Variants in LIMCH1 observed in about 807,000 individuals in gnomAD.
LIMCH1 encodes the protein LIM and calponin homology domains 1, also known as LIM and calponin homology domains-containing protein 1.
Under a neutral mutation model 176.5 loss-of-function variants are expected in LIMCH1, and 113 were observed. The observed-to-expected ratio is 0.64, with a 90% confidence interval of 0.55 to 0.75. The LOEUF (loss-of-function observed/expected upper bound fraction) is 0.75, where lower values mean the gene tolerates loss of function less well. LIMCH1 is among the 30% of genes least tolerant of loss of function. The probability of loss-of-function intolerance (pLI) is 0.00; values close to 1 mark genes in which losing one functional copy is unlikely to be tolerated. For synonymous variants in LIMCH1, 619 were observed against 645.9 expected, an observed-to-expected ratio of 0.96 and a Z score of 0.63; for missense variants, 1,674 against 1,814.9, an observed-to-expected ratio of 0.92 and a Z score of 1.41.
intron 18 of LIMCH1, 139 bp downstream of exon 18, chr4:41,650,747 C>T (rs941644944): frequency 8.3e-6 from 6 of 722,498 alleles, no homozygotes; most frequent in South Asian, 1.9e-5. Context: ...CTGTAAGTAC[C>T]ACAAACTCAG....
rs747125192 is a variant in LIMCH1 at position 41,698,046 on chromosome 4, G to T, written c.*861G>T. On this transcript the variant is annotated 3_prime_UTR_variant, in exon 32 of 32. Transcript: ENST00000503057. Reference sequence around the variant, plus strand: ...CAGGCCTCTGTTGCCTGCTTCTCTCGAGGCACTAGATTAGGAGTCTTCAAT... The same window carrying T: ...CAGGCCTCTGTTGCCTGCTTCTCTCTAGGCACTAGATTAGGAGTCTTCAAT... 2 of 152,006 alleles carry T rather than the reference G, an allele frequency of 1.3e-5. No individual in the cohort carries two copies. The highest frequency in any genetic ancestry group is 2.4e-5 in the African/African-American group (1 of 41,380). The allele number at this position is 152,006 out of a possible 1,614,324, so 9.4% of individuals were successfully genotyped here.
Position 41,399,685 on chromosome 4 carries a change from C to CTTTTTTTTTTTTTTTTT in LIMCH1, c.96+38764_96+38765insTTTTTTTTTTTTTTTTT, listed in dbSNP as rs56174007. On this transcript the variant is annotated intron_variant, in intron 1 of 26. Coordinates refer to the LIMCH1 transcript ENST00000313860. ...GTAACAATCCTATGAGGTGGATACT[C>CTTTTTTTTTTTTTTTTT]TTTTTTTTTTTTTTTGAGATGGAGT... 1.6e-4 allele frequency among the ~76,000 whole-genome samples: 15 copies of CTTTTTTTTTTTTTTTTT among 95,784 alleles called. 2 individuals are homozygous for CTTTTTTTTTTTTTTTTT. Among genetic ancestry groups the CTTTTTTTTTTTTTTTTT allele is most frequent in the East Asian group, 9.5e-4 (3 of 3,148 alleles). The allele number at this position is 95,784 out of a possible 152,430, so 62.8% of individuals were successfully genotyped here.
At chr4:41,445,020 CTTT>C (rs11414585) in intron 1 of LIMCH1, among the ~76,000 whole-genome samples, 59 of 128,488 alleles carry the variant, frequency 4.6e-4, no homozygotes, top group African/African-American at 1.4e-3. Context: ...TTTTCCCATT[CTTT>C]TTTTTTTTTT....
chr4:41,672,430 A>G (rs773670368), intron 22 of LIMCH1, among the ~76,000 whole-genome samples: 2 of 152,216 alleles, frequency 1.3e-5, no homozygotes, highest in Non-Finnish European at 2.9e-5. Flanking sequence ...GACAATTTCT[A>G]TAGATACATT....
chr4:41,473,339 C>G, intron 1 of LIMCH1: 1 of 222,458 alleles, frequency 4.5e-6, no homozygotes, highest in Non-Finnish European at 7.6e-6. Flanking sequence ...GAGACCCAGG[C>G]AGCAGGCAGC....
intron 1 of LIMCH1, among the ~76,000 whole-genome samples, chr4:41,362,419 A>T (rs2052261934): frequency 6.6e-6 from 1 of 152,170 alleles, no homozygotes; most frequent in East Asian, 1.9e-4. Flanking sequence ...TGCTCCCAGG[A>T]TACACAGGAA....
At chr4:41,617,599 A>G (rs2092229983) in intron 5 of LIMCH1, among the ~76,000 whole-genome samples, 1 of 152,258 alleles carries the variant, frequency 6.6e-6, no homozygotes, top group Admixed American at 6.5e-5. Context: ...TAAGTAATGA[A>G]ATGGTCAAAA....
In LIMCH1 at chr4:41,503,824, A is replaced by C. The variant is rs372139542; in HGVS notation, c.167+9218A>C. 1.7e-4 allele frequency among the ~76,000 whole-genome samples: 26 copies of C among 152,232 alleles called. No homozygotes were observed. In the East Asian group the frequency reaches 2.1e-3, roughly 12 times the overall value. ...TCGGTTCCCTCAGCCCTCAAGTGATAACTGCCCTTGCTCTGAGCTTCCTCC... is the reference window on the plus strand; with the variant it reads ...TCGGTTCCCTCAGCCCTCAAGTGATCACTGCCCTTGCTCTGAGCTTCCTCC... On this transcript the variant is annotated intron_variant, in intron 2 of 26. Transcript: ENST00000313860.
intron 1 of LIMCH1, among the ~76,000 whole-genome samples, chr4:41,481,761 C>G (rs191215697): frequency 5.9e-5 from 9 of 151,676 alleles, no homozygotes; most frequent in Non-Finnish European, 1.2e-4. Flanking sequence ...TAGTGCTGTT[C>G]ATTGATATGG....
intron 1 of LIMCH1, among the ~76,000 whole-genome samples, chr4:41,582,205 T>A (rs368268921): frequency 6.6e-6 from 1 of 152,180 alleles, no homozygotes; most frequent in African/African-American, 2.4e-5. Context: ...CATGGAATAA[T>A]GGAAAACGAA....
intron 13 of LIMCH1, among the ~76,000 whole-genome samples, chr4:41,634,891 C>G (rs376184238): frequency 5.3e-5 from 8 of 152,260 alleles, no homozygotes; most frequent in African/African-American, 1.7e-4. Context: ...AGTGGGTCCT[C>G]CACAGTTACT....
chr4:41,384,230 A>G (rs1471188207), intron 1 of LIMCH1, among the ~76,000 whole-genome samples: 2 of 149,602 alleles, frequency 1.3e-5, no homozygotes, highest in African/African-American at 2.5e-5. Context: ...TTTGAGACGG[A>G]GTCTTGCTCT....
chr4:41,644,570 G>C lies in LIMCH1; in HGVS notation c.2197G>C (p.Glu733Gln), dbSNP rs907389480. 1 of 1,610,226 alleles carries C rather than the reference G, an allele frequency of 6.2e-7. No homozygotes were observed. Residue 733 changes from glutamate (E) to glutamine (Q), a missense_variant, in exon 15 of 32, where the codon GAG becomes CAG. By Grantham distance (29) the Glu-to-Gln change is conservative (BLOSUM62 2). Around this residue, in one of 3 missense-constraint regions of LIMCH1, gnomAD observed 1,015 missense variants for 1,102.5 expected, o/e 0.92. Coordinates refer to ENST00000503057, the MANE Select transcript of LIMCH1 (RefSeq NM_001330672.2). The stretch of plus-strand genomic sequence containing the variant: ...GCAGCCGCACAGCAGGGCCCGCCAG[G>C]AGCAGCTGCAGCTGATAAATAACCA... ...AVQPHSRARQEQLQLINNQLR... is the reference protein window; with the variant it reads ...AVQPHSRARQQQLQLINNQLR...
chr4:41,369,144 T>C (rs534114139), intron 1 of LIMCH1, among the ~76,000 whole-genome samples: 1 of 152,300 alleles, frequency 6.6e-6, no homozygotes, highest in East Asian at 1.9e-4. Context: ...GGTCCTTGAC[T>C]GAGATTCCTT....
In LIMCH1 at chr4:41,615,012, A is replaced by T. The variant is rs2091909723; in HGVS notation, c.205+1351A>T. On this transcript the variant is annotated intron_variant, in intron 5 of 31. Transcript: ENST00000503057. ...TAGTTTAACCTTGGGGCCACATAGTATGTGACTCCTAAAGAATTCCAGGGT... is the reference window on the plus strand; with the variant it reads ...TAGTTTAACCTTGGGGCCACATAGTTTGTGACTCCTAAAGAATTCCAGGGT... 2.0e-5 allele frequency among the ~76,000 whole-genome samples: 3 copies of T among 152,214 alleles called. No homozygotes were observed. The South Asian group carries it at 6.2e-4, about 32-fold the overall frequency.
At chr4:41,406,223 A>G (rs866651123) in intron 1 of LIMCH1, among the ~76,000 whole-genome samples, 3 of 152,206 alleles carry the variant, frequency 2.0e-5, no homozygotes, top group Admixed American at 2.0e-4. Context: ...TTTAAAAGCC[A>G]CTTTATAGAC....
At chr4:41,452,618 A>T (rs763230872) in intron 1 of LIMCH1, among the ~76,000 whole-genome samples, 2 of 152,134 alleles carry the variant, frequency 1.3e-5, no homozygotes, top group Non-Finnish European at 2.9e-5. Context: ...GCCAGTCTGT[A>T]GACTCTAAGA....
chr4:41,611,013 A>G (rs564197085), intron 4 of LIMCH1, among the ~76,000 whole-genome samples: 70 of 152,342 alleles, frequency 4.6e-4, no homozygotes, highest in African/African-American at 1.6e-3. Context: ...TTGGATTTTC[A>G]GTTTTGGGAT....
intron 2 of LIMCH1, among the ~76,000 whole-genome samples, chr4:41,505,353 C>T (rs1465908701): frequency 6.6e-6 from 1 of 152,184 alleles, no homozygotes. Context: ...GGCTCGCTCC[C>T]TTGGGCTGCC....
Sources: gnomAD v4.1 joint callset for allele counts (sites outside exome capture counted in the v4.1 genomes callset) on GRCh38, gnomAD v4.1.1 for gene constraint, gnomAD v4.1.1 regional missense constraint, MANE v1.5 for transcripts, NCBI Gene and HGNC (gene_info 2026-07-23, HGNC 2026-07-21) for gene names.